VWC2: variants seen among roughly 807,000 people sequenced by gnomAD.
VWC2 encodes the protein brorin.
Under a neutral mutation model 29.8 loss-of-function variants are expected in VWC2, and 14 were observed. The observed-to-expected ratio is 0.47, with a 90% CI of 0.31 to 0.74. The LOEUF (loss-of-function observed/expected upper bound fraction) is 0.74. Among genes scored for constraint, VWC2 ranks in the 30% least tolerant of loss-of-function variants. The pLI, the probability that VWC2 is intolerant of heterozygous loss-of-function variation, is 0.05. For synonymous variants in VWC2, 213 were observed against 199.0 expected (o/e 1.07, Z -0.59); for missense variants, 457 against 459.8 (o/e 0.99, Z 0.05).
chr7:49,823,104 T>C (rs112999349), intron 3 of VWC2, among the ~76,000 whole-genome samples: 2,206 of 152,348 alleles, frequency 0.014, 34 homozygotes, highest in African/African-American at 0.036. Context: ...GGCTGTTCTG[T>C]TGAGCATTCC....
At chr7:49,899,036 C>T (rs1792559029) in intron 3 of VWC2, among the ~76,000 whole-genome samples, 1 of 152,000 alleles carries the variant, frequency 6.6e-6, no homozygotes, top group Non-Finnish European at 1.5e-5. Context: ...GGGCTATATA[C>T]ACCAAGAAAC....
downstream of VWC2, among the ~76,000 whole-genome samples, chr7:49,922,137 CTTAT>C (rs1275232903): frequency 3.3e-5 from 5 of 152,136 alleles, no homozygotes; most frequent in African/African-American, 1.2e-4. Flanking sequence ...TTTTATTTCT[CTTAT>C]TTAATGAAAG....
rs10272417 is a variant in VWC2 at position 49,788,166 on chromosome 7, G to A, written c.696+12035G>A. Among the ~76,000 whole-genome samples, 892 of 152,316 alleles carry A rather than the reference G, an allele frequency of 5.9e-3. 4 individuals carry two copies. Among genetic ancestry groups the A allele is most frequent in the Admixed American group, 8.6e-3 (131 of 15,304 alleles). ...CAGTGCCTGTCCACTCCTGGCTCGG[G>A]CTGTGGTCCAGCACTTCCTGGGTAA... is the stretch of plus-strand genomic sequence containing the variant. On this transcript the variant is annotated intron_variant, in intron 2 of 3. Coordinates refer to ENST00000340652, the MANE Select transcript of VWC2 (RefSeq NM_198570.5).
At chr7:49,785,457 G>T (rs1262556982) in intron 2 of VWC2, among the ~76,000 whole-genome samples, 1 of 152,138 alleles carries the variant, frequency 6.6e-6, no homozygotes. Flanking sequence ...GAGTATGGGA[G>T]AAATTAAGAT....
At position 49,877,491 on chromosome 7, in the gene VWC2, T is replaced by A. The variant is rs746253435; in HGVS notation, c.827-34543T>A. 5.3e-3 allele frequency among the ~76,000 whole-genome samples: 189 copies of A among 35,652 alleles called. 38 individuals are homozygous for A. In the East Asian group the frequency reaches 0.059, roughly 11 times the overall value. 23.4% of individuals were successfully genotyped at this position (35,652 alleles called of 152,430 possible). ...AAAAAAAAAAAAAAAAATATATATATATATATATATATATATATATATATA... is the reference window on the plus strand; with the variant it reads ...AAAAAAAAAAAAAAAAATATATATAAATATATATATATATATATATATATA... On this transcript the variant is annotated intron_variant, in intron 3 of 3. Transcript: ENST00000340652.
chr7:49,891,515 A>G (rs930880152), intron 3 of VWC2, among the ~76,000 whole-genome samples: 1 of 152,226 alleles, frequency 6.6e-6, no homozygotes, highest in Non-Finnish European at 1.5e-5. Context: ...GACACATATT[A>G]GCAGAGAATA....
chr7:49,901,413 C>A (rs1050279782), intron 3 of VWC2, among the ~76,000 whole-genome samples: 1 of 151,638 alleles, frequency 6.6e-6, no homozygotes, highest in African/African-American at 2.4e-5. Flanking sequence ...TATATACTAG[C>A]AAATGACAAC....
At chr7:49,845,023 C>G (rs1195331928) in intron 3 of VWC2, among the ~76,000 whole-genome samples, 1 of 152,110 alleles carries the variant, frequency 6.6e-6, no homozygotes, top group Non-Finnish European at 1.5e-5. Context: ...TTCACTTTTC[C>G]TTTTTCAAAA....
chr7:49,789,520 C>T (rs1788416202), intron 2 of VWC2, among the ~76,000 whole-genome samples: 1 of 152,080 alleles, frequency 6.6e-6, no homozygotes. Flanking sequence ...AATTTGTCAT[C>T]CCTGAGAGAA....
chr7:49,893,882 A>C (rs11185594), intron 3 of VWC2, among the ~76,000 whole-genome samples: 68,600 of 151,938 alleles, frequency 0.45, 15,746 homozygotes, highest in Non-Finnish European at 0.48. Flanking sequence ...TCTGTTGTTT[A>C]ATTTCAGAAA....
chr7:49,873,925 A>C (rs1054008090), intron 3 of VWC2, among the ~76,000 whole-genome samples: 2 of 152,222 alleles, frequency 1.3e-5, no homozygotes. Flanking sequence ...AAAACAACAA[A>C]AAAAAGATGA....
intron 3 of VWC2, among the ~76,000 whole-genome samples, chr7:49,839,243 T>C (rs1789738970): frequency 6.6e-6 from 1 of 152,214 alleles, no homozygotes; most frequent in African/African-American, 2.4e-5. Flanking sequence ...CTGTGATATT[T>C]TATTATGGCA....
intron 3 of VWC2, among the ~76,000 whole-genome samples, chr7:49,908,169 A>G (rs1275020638): frequency 6.6e-6 from 1 of 152,212 alleles, no homozygotes; most frequent in Non-Finnish European, 1.5e-5. Flanking sequence ...TATTGCTACA[A>G]AAAGTCTGTT....
chr7:49,802,282 G>A (rs1473385523), intron 2 of VWC2, among the ~76,000 whole-genome samples: 1 of 152,040 alleles, frequency 6.6e-6, no homozygotes, highest in East Asian at 1.9e-4. Flanking sequence ...AAAACCACTG[G>A]GCTGGATCAT....
chr7:49,851,750 T>C (rs1424610907), intron 3 of VWC2, among the ~76,000 whole-genome samples: 1 of 151,898 alleles, frequency 6.6e-6, no homozygotes, highest in East Asian at 1.9e-4. Flanking sequence ...CCCAGCTACT[T>C]GGGAGGCTGA....
chr7:49,833,044 G>A lies in VWC2; in HGVS notation c.826+30204G>A, dbSNP rs537128580. 3.3e-5 allele frequency among the ~76,000 whole-genome samples: 5 copies of A among 152,244 alleles called. No individual in the cohort carries two copies. In the South Asian group the frequency reaches 6.2e-4, roughly 19 times the overall value. ...CAGAAGTCAAAATGACCAGAGTAAG[G>A]GCTAAAGATCAAAGGATACTATGAA... On this transcript the variant is annotated intron_variant, in intron 3 of 3. Coordinates refer to ENST00000340652, the MANE Select transcript of VWC2 (RefSeq NM_198570.5).
At chr7:49,785,903 A>G (rs934586567) in intron 2 of VWC2, among the ~76,000 whole-genome samples, 8 of 152,240 alleles carry the variant, frequency 5.3e-5, no homozygotes, top group Admixed American at 3.9e-4. Flanking sequence ...AAATGATCCC[A>G]GAAGCAAAGT....
chr7:49,875,278 G>T (rs997740163), intron 3 of VWC2, among the ~76,000 whole-genome samples: 1 of 139,310 alleles, frequency 7.2e-6, no homozygotes, highest in Non-Finnish European at 1.5e-5. Context: ...GCTGAGGCAG[G>T]AGAATCGCCT....
chr7:49,911,201 G>T (rs572281673), intron 3 of VWC2, among the ~76,000 whole-genome samples: 3 of 151,966 alleles, frequency 2.0e-5, no homozygotes, highest in African/African-American at 7.3e-5. Flanking sequence ...AATTTTAAAT[G>T]GGCTGGGAGC....
Sources: gnomAD v4.1 joint callset for allele counts (sites outside exome capture counted in the v4.1 genomes callset) on GRCh38, gnomAD v4.1.1 for gene constraint, MANE v1.5 for transcripts, NCBI Gene and HGNC (gene_info 2026-07-23, HGNC 2026-07-21) for gene names.